Variants in TSNARE1 observed in about 807,000 individuals in gnomAD.
The protein encoded by TSNARE1 is t-SNARE domain containing 1.
A neutral mutation model predicts 62.0 loss-of-function variants in TSNARE1; 49 were observed. The observed-to-expected ratio is 0.79, with a 90% confidence interval of 0.63 to 1.00. The LOEUF is 1.00. Ranked by LOEUF, TSNARE1 falls within the 50% of genes least tolerant of loss-of-function variation. The pLI, the probability that TSNARE1 is intolerant of heterozygous loss-of-function variation, is 0.00. For synonymous variants in TSNARE1, 328 were observed against 294.4 expected, an observed-to-expected ratio of 1.11 and a Z score of -1.17; for missense variants, 755 against 700.1, an observed-to-expected ratio of 1.08 and a Z score of -0.88.
chr8:142,345,840 CG>C lies in TSNARE1; in HGVS notation c.140del (p.Ser47CysfsTer94). 6.2e-7 allele frequency: 1 copy of C among 1,613,980 alleles called. No individual in the cohort carries two copies. The highest frequency in any genetic ancestry group is 8.5e-7 in the Non-Finnish European group (1 of 1,179,932). ...AGCGGTTCTGCAGCTTGCTCTCTGG[CG>C]ACGGGCAGGGGAAATGGCGGATTCC... The part of the protein sequence containing the change: ...EYGIRHFPCP[S>X]PESKLQNRCV... On this transcript the variant is annotated frameshift_variant, in exon 3 of 14. Coordinates refer to ENST00000524325, the MANE Select transcript of TSNARE1 (RefSeq NM_145003.5). LOFTEE classifies it high-confidence loss of function.
At chr8:142,311,422 C>T (rs530810644) in intron 9 of TSNARE1, among the ~76,000 whole-genome samples, 14 of 151,172 alleles carry the variant, frequency 9.3e-5, no homozygotes, top group Non-Finnish European at 1.6e-4. Context: ...TTCAGCCTCC[C>T]GAGTAGGTGG....
At chr8:142,347,353 G>A (rs1833511118) in intron 2 of TSNARE1, among the ~76,000 whole-genome samples, 2 of 152,218 alleles carry the variant, frequency 1.3e-5, no homozygotes, top group South Asian at 2.1e-4. Context: ...GTCACAGAGG[G>A]AGGGATCCCA....
intron 4 of TSNARE1, among the ~76,000 whole-genome samples, chr8:142,342,272 C>G (rs1332598188): frequency 6.6e-6 from 1 of 152,270 alleles, no homozygotes; most frequent in Admixed American, 6.5e-5. Flanking sequence ...CATCCTGCAG[C>G]TGAGCAGGAG....
chr8:142,278,738 G>C lies in TSNARE1; in HGVS notation c.1364-3875C>G, dbSNP rs942398747. 1.5e-5 allele frequency: 15 copies of C among 985,336 alleles called. No homozygotes were observed. In the East Asian group the frequency reaches 1.4e-3, roughly 89 times the overall value. 61.0% of individuals were successfully genotyped at this position (985,336 alleles called of 1,614,324 possible). A position where few individuals can be genotyped will look rare whatever the true frequency, so the allele number is the denominator to read the frequency against. ...CTGGAGTGGGCCCGTGGGCTCGGAA[G>C]GGGGCACAGCGTGCCTGACAGGCTG... On this transcript the variant is annotated intron_variant, in intron 11 of 13. Coordinates refer to ENST00000524325, the MANE Select transcript of TSNARE1 (RefSeq NM_145003.5).
rs574641740 is a variant in TSNARE1 at position 142,344,262 on chromosome 8, G to A, written c.449C>T (p.Thr150Met). The A allele has an allele frequency of 5.5e-5, 89 of 1,607,708 alleles. 1 individual carries two copies. Among genetic ancestry groups the A allele is most frequent in the Middle Eastern group, 5.0e-4 (3 of 6,036 alleles). The change falls in exon 4 of 14, where the codon ACG (threonine) becomes ATG (methionine). Residue 150 changes from threonine to methionine, a missense_variant. Coordinates refer to ENST00000524325, the MANE Select transcript of TSNARE1 (RefSeq NM_145003.5). The stretch of plus-strand genomic sequence containing the variant: ...AGTGGGCTCGGCCTTCAGCAGCCCC[G>A]TGCCAAACAGCAGCTGGTGGTGCTT... ...VSKHHQLLFG[T>M]GLLKAEPTRR...
chr8:142,402,327 C>G (rs879862029), intron 1 of TSNARE1, among the ~76,000 whole-genome samples: 1 of 152,250 alleles, frequency 6.6e-6, no homozygotes, highest in Middle Eastern at 3.2e-3. Flanking sequence ...CGCCACCAGA[C>G]ACGTGTGGCT....
intron 13 of TSNARE1, among the ~76,000 whole-genome samples, chr8:142,217,288 AG>A (rs1815888466): frequency 8.1e-6 from 1 of 122,734 alleles, no homozygotes; most frequent in African/African-American, 4.7e-5. Context: ...AATAAAAAGA[AG>A]AAAGAAAGAA....
At chr8:142,332,636 C>G (rs983061288) in intron 4 of TSNARE1, among the ~76,000 whole-genome samples, 1 of 152,136 alleles carries the variant, frequency 6.6e-6, no homozygotes, top group Admixed American at 6.5e-5. Context: ...GTGGATGGAA[C>G]GCTCGCCCGC....
intron 2 of TSNARE1, among the ~76,000 whole-genome samples, chr8:142,353,878 G>GACGCTCA (rs1554671796): frequency 1.3e-5 from 2 of 152,058 alleles, no homozygotes; most frequent in South Asian, 2.1e-4. Context: ...CAGCTGTTAG[G>GACGCTCA]CTGAGCCCGA....
intron 5 of TSNARE1, among the ~76,000 whole-genome samples, chr8:142,331,359 A>C (rs985636848): frequency 9.2e-5 from 14 of 152,292 alleles, no homozygotes; most frequent in Non-Finnish European, 1.8e-4. Context: ...TCTGGTCTGC[A>C]CGTCTGAGAG....
chr8:142,278,295 A>T (rs1304663081), intron 11 of TSNARE1: 6 of 985,400 alleles, frequency 6.1e-6, no homozygotes, highest in Non-Finnish European at 7.2e-6. Flanking sequence ...TGTGAGCAGG[A>T]GCAGCTGAGG....
intron 2 of TSNARE1, among the ~76,000 whole-genome samples, chr8:142,352,426 A>C (rs1187893442): frequency 6.6e-6 from 1 of 152,258 alleles, no homozygotes; most frequent in Non-Finnish European, 1.5e-5. Context: ...TGGGGCCCGC[A>C]TCAGCTCGGC....
At chr8:142,367,615 T>G (rs531897409) in intron 1 of TSNARE1, among the ~76,000 whole-genome samples, 74 of 152,346 alleles carry the variant, frequency 4.9e-4, no homozygotes, top group African/African-American at 1.5e-3. Context: ...TAGTAATGAA[T>G]GTACAACACT....
At chr8:142,247,472 C>T (rs374690333) in intron 12 of TSNARE1, 29 of 152,362 alleles carry the variant, frequency 1.9e-4, no homozygotes, top group African/African-American at 6.7e-4. Context: ...GCCTGTCTCA[C>T]CCTTGTATTT....
At chr8:142,261,626 G>A (rs1441310095) in intron 12 of TSNARE1, among the ~76,000 whole-genome samples, 1 of 152,068 alleles carries the variant, frequency 6.6e-6, no homozygotes, top group African/African-American at 2.4e-5. Context: ...ATCTGTGAAG[G>A]CAGCATTTCT....
At chr8:142,287,531 G>A (rs76879601) in intron 10 of TSNARE1, among the ~76,000 whole-genome samples, 4 of 118,156 alleles carry the variant, frequency 3.4e-5, no homozygotes, top group African/African-American at 6.6e-5. Flanking sequence ...GCCAGATCTC[G>A]GGGATGGTGG....
intron 12 of TSNARE1, among the ~76,000 whole-genome samples, chr8:142,267,986 C>T (rs544174724): frequency 1.3e-5 from 2 of 152,336 alleles, no homozygotes; most frequent in East Asian, 1.9e-4. Flanking sequence ...AGACCACAGT[C>T]TCCTTCCTGG....
intron 1 of TSNARE1, among the ~76,000 whole-genome samples, chr8:142,402,402 A>G (rs1208860249): frequency 6.6e-6 from 1 of 152,228 alleles, no homozygotes; most frequent in African/African-American, 2.4e-5. Flanking sequence ...AGGACAATGT[A>G]AACAGCCACA....
intron 11 of TSNARE1, chr8:142,277,493 G>A (rs1321995660): frequency 5.7e-5 from 56 of 985,458 alleles, no homozygotes; most frequent in East Asian, 1.1e-4. Context: ...GCTGCAGAGC[G>A]GAAAGCATGG....
Sources: allele counts gnomAD v4.1 joint callset (sites outside exome capture counted in the v4.1 genomes callset), GRCh38; gene constraint gnomAD v4.1.1; transcripts MANE v1.5; gene names NCBI Gene and HGNC (gene_info 2026-07-23, HGNC 2026-07-21).